The following MDM2 variants were observed in gnomAD, a reference collection of about 807,000 sequenced individuals.
MDM2 encodes the protein MDM2 proto-oncogene.
MDM2 carries 11 observed loss-of-function variants against 64.3 expected under a neutral mutation model. The ratio of observed to expected loss-of-function variants is 0.17; its 90% CI spans 0.11 to 0.28. The LOEUF is 0.28. Among genes scored for constraint, MDM2 ranks in the 10% least tolerant of loss-of-function variants. MDM2 has a pLI of 1.00. For synonymous variants in MDM2, 194 were observed against 192.9 expected (o/e 1.01, Z -0.05); for missense variants, 388 against 577.1 (o/e 0.67, Z 3.36).
At position 68,815,148 on chromosome 12, in the gene MDM2, T is replaced by C. The variant is rs182742576; in HGVS notation, c.174+1520T>C. Reference sequence around the variant, plus strand: ...GGAAAGGGCCAGGTTAAATGGTATTTTTAAGGCTAATTTGGGATTGACCTT... The same window carrying C: ...GGAAAGGGCCAGGTTAAATGGTATTCTTAAGGCTAATTTGGGATTGACCTT... On this transcript the variant is annotated intron_variant, in intron 3 of 10. Coordinates refer to ENST00000258149, the MANE Select transcript of MDM2 (RefSeq NM_002392.6). Among the ~76,000 whole-genome samples, 16 of 152,344 alleles carry C rather than the reference T, an allele frequency of 1.1e-4. No individual in the cohort carries two copies. In the East Asian group the frequency reaches 2.9e-3, roughly 28 times the overall value.
rs1331348833 is a variant in MDM2 at position 68,841,477 on chromosome 12, A to AAT, written c.*1630_*1631dup. On this transcript the variant is annotated 3_prime_UTR_variant, in exon 11 of 11. Transcript: ENST00000258149. ...TGGGAGTAATGATGTTATCTGTGAA[A>AAT]ATAGCCACCATTTACCCGTAAGACA... 1 of 208,902 alleles carries AAT rather than the reference A, an allele frequency of 4.8e-6. No homozygotes were observed. Among genetic ancestry groups the AAT allele is most frequent in the Non-Finnish European group, 9.7e-6 (1 of 102,740 alleles). 12.9% of individuals were successfully genotyped at this position (208,902 alleles called of 1,614,324 possible).
downstream of MDM2, chr12:68,848,646 A>G (rs572537614): frequency 6.6e-6 from 1 of 152,314 alleles, no homozygotes; most frequent in African/African-American, 2.4e-5. Flanking sequence ...GGCCTTTTCT[A>G]CCTTTTCTCA....
intron 5 of MDM2, among the ~76,000 whole-genome samples, chr12:68,820,925 G>A (rs1296032420): frequency 1.3e-5 from 2 of 151,550 alleles, no homozygotes; most frequent in Non-Finnish European, 2.9e-5. Context: ...GTCAATAAGT[G>A]TTTTACAACC....
rs1231734823 is a variant in MDM2 at position 68,844,198 on chromosome 12, AT to A, written c.*4352del. On this transcript the variant is annotated 3_prime_UTR_variant, in exon 11 of 11. Transcript: ENST00000258149. ...TAAGAATTGTTTCAAGAATGCAATT[AT>A]TTGATCTTAAATTTTTATGAGTTGT... 68 of 209,190 alleles carry A rather than the reference AT, an allele frequency of 3.3e-4. No individual in the cohort carries two copies. In the East Asian group the frequency reaches 5.0e-3, roughly 15 times the overall value. 13.0% of individuals were successfully genotyped at this position (209,190 alleles called of 1,614,324 possible).
rs917429497 is a variant in MDM2 at position 68,840,142 on chromosome 12, A to G, written c.*293A>G. On this transcript the variant is annotated 3_prime_UTR_variant, in exon 11 of 11. Coordinates refer to ENST00000258149, the MANE Select transcript of MDM2 (RefSeq NM_002392.6). ...TCTTAAATATGTATATGACATTTAA[A>G]TGTAACTTATTATTTTTTTTGAGAC... is the stretch of plus-strand genomic sequence containing the variant. 5 of 320,064 alleles carry G rather than the reference A, an allele frequency of 1.6e-5. No homozygotes were observed. The highest frequency in any genetic ancestry group is 1.1e-4 in the African/African-American group (5 of 46,338). The allele number at this position is 320,064 out of a possible 1,614,324, so 19.8% of individuals were successfully genotyped here.
chr12:68,848,318 G>GTTATTTCAGCTAAT (rs1884470548), downstream of MDM2: 1 of 152,050 alleles, frequency 6.6e-6, no homozygotes, highest in African/African-American at 2.4e-5. Context: ...AAGTAGCTGT[G>GTTATTTCAGCTAAT]TTATTTCAGC....
rs116479040 is a variant in MDM2, at chr12:68,841,966, C to T, written c.*2117C>T. ...CTTTGGGACCCATCTACCCTGACCA[C>T]ATCATGATGTTCATCTGCAGCTGTT... On this transcript the variant is annotated 3_prime_UTR_variant, in exon 11 of 11. Transcript: ENST00000258149. 7.0e-3 allele frequency: 2,705 copies of T among 386,026 alleles called. 66 individuals are homozygous for T. Among genetic ancestry groups the T allele is most frequent in the African/African-American group, 0.049 (2,408 of 49,242 alleles). 23.9% of individuals were successfully genotyped at this position (386,026 alleles called of 1,614,324 possible).
At chr12:68,832,509 A>AT (rs979277744) in intron 8 of MDM2, among the ~76,000 whole-genome samples, 59 of 152,146 alleles carry the variant, frequency 3.9e-4, no homozygotes, top group African/African-American at 1.3e-3. Flanking sequence ...TGCTTAAAAA[A>AT]ATATATATTT....
chr12:68,836,792 A>C (rs762025174), intron 10 of MDM2, 43 bp downstream of exon 10: 3 of 1,284,040 alleles, frequency 2.3e-6, no homozygotes, highest in African/African-American at 1.5e-5. Flanking sequence ...AATTTCATTA[A>C]GGTCAAGATT....
chr12:68,814,488 T>C (rs2136116016), intron 3 of MDM2: 1 of 266,634 alleles, frequency 3.8e-6, no homozygotes, highest in East Asian at 1.0e-4. Flanking sequence ...TTGTGATTTG[T>C]TGCCTACATT....
chr12:68,830,969 G>T (rs1882744186), intron 8 of MDM2, among the ~76,000 whole-genome samples: 1 of 152,120 alleles, frequency 6.6e-6, no homozygotes, highest in Non-Finnish European at 1.5e-5. Flanking sequence ...CCAAAGTGTT[G>T]GGATTACAGA....
chr12:68,842,604 GA>G lies in MDM2; in HGVS notation c.*2758del. On this transcript the variant is annotated 3_prime_UTR_variant, in exon 11 of 11. Transcript: ENST00000258149. ...CTGATATGTTTGTAAATACAGAAGT[GA>G]AATGTGGACATAAAATAGTTACGCT... 3.4e-6 allele frequency: 1 copy of G among 293,530 alleles called. No homozygotes were observed. The highest frequency in any genetic ancestry group is 4.1e-5 in the South Asian group (1 of 24,268). 18.2% of individuals were successfully genotyped at this position (293,530 alleles called of 1,614,324 possible). A position where few individuals can be genotyped will look rare whatever the true frequency, so the allele number is the denominator to read the frequency against.
In MDM2 at chr12:68,824,649, C is replaced by T. The variant is rs745584012; in HGVS notation, c.521C>T (p.Thr174Ile). Residue 174 changes from threonine to isoleucine, a missense_variant and splice_region_variant, in exon 7 of 11, where the codon ACA becomes ATA. Thr to Ile is a moderately conservative substitution (Grantham distance 89). Around this residue, in one of 5 missense-constraint regions of MDM2, gnomAD observed 168 missense variants for 236.6 expected, o/e 0.71. Transcript: ENST00000258149. ...TSSRRRAISE[T>I]EENSDELSGE... ...TCTAGAAGGAGAGCAATTAGTGAGACAGGTATATATGAATATTTATTTGAC... is the reference window on the plus strand; with the variant it reads ...TCTAGAAGGAGAGCAATTAGTGAGATAGGTATATATGAATATTTATTTGAC... 1.3e-6 allele frequency: 2 copies of T among 1,566,084 alleles called. No homozygotes were observed. The highest frequency in any genetic ancestry group is 2.2e-5 in the East Asian group (1 of 44,670).
At chr12:68,816,702 A>G (rs1881417220) in intron 3 of MDM2, 110 bp from the exon 4 acceptor site, 1 of 960,696 alleles carries the variant, frequency 1.0e-6, no homozygotes, top group South Asian at 1.9e-5. Flanking sequence ...ATAGTTGTGG[A>G]TATGGTTCCT....
At chr12:68,815,083 A>C (rs1444632373) in intron 3 of MDM2, among the ~76,000 whole-genome samples, 1 of 152,218 alleles carries the variant, frequency 6.6e-6, no homozygotes, top group Non-Finnish European at 1.5e-5. Flanking sequence ...TTTAAGGCCG[A>C]TGCCTGCTTA....
chr12:68,848,918 G>C (rs1884511806), downstream of MDM2: 1 of 151,844 alleles, frequency 6.6e-6, no homozygotes, highest in African/African-American at 2.4e-5. Context: ...TCACTATATT[G>C]GCCAGGCTGG....
intron 5 of MDM2, among the ~76,000 whole-genome samples, chr12:68,820,575 T>G (rs1881760897): frequency 6.6e-6 from 1 of 152,228 alleles, no homozygotes; most frequent in African/African-American, 2.4e-5. Flanking sequence ...TTAAATATCC[T>G]GTTAGATCAA....
rs1242228522 is a variant in MDM2 at position 68,840,645 on chromosome 12, A to T, written c.*796A>T. The T allele has an allele frequency of 5.8e-6, 1 of 171,978 alleles. No homozygotes were observed. Among genetic ancestry groups the T allele is most frequent in the African/African-American group, 2.4e-5 (1 of 41,904 alleles). The allele number at this position is 171,978 out of a possible 1,614,324, so 10.7% of individuals were successfully genotyped here. ...CTCAGCCTCTGGAGCAGCTGGGATT[A>T]CAGGCATGCACCACCATGCCCAGCT... On this transcript the variant is annotated 3_prime_UTR_variant, in exon 11 of 11. Transcript: ENST00000258149.
At chr12:68,821,542 G>A (rs999887880) in intron 5 of MDM2, among the ~76,000 whole-genome samples, 4 of 147,498 alleles carry the variant, frequency 2.7e-5, no homozygotes, top group African/African-American at 8.1e-5. Context: ...GGGCAGCATG[G>A]CAAAATCCTA....
Sources: allele counts gnomAD v4.1 joint callset (sites outside exome capture counted in the v4.1 genomes callset), GRCh38; gene constraint gnomAD v4.1.1; regional missense constraint gnomAD v4.1.1; transcripts MANE v1.5; gene names NCBI Gene and HGNC (gene_info 2026-07-23, HGNC 2026-07-21).